Variants in STXBP5L observed in about 807,000 individuals in gnomAD.
STXBP5L encodes syntaxin-binding protein 5-like.
Under a neutral mutation model 144.5 loss-of-function variants are expected in STXBP5L, and 65 were observed. That is an observed-to-expected ratio of 0.45 (90% CI 0.37 to 0.55). The LOEUF (loss-of-function observed/expected upper bound fraction) is 0.55. Ranked by LOEUF, STXBP5L falls within the 20% of genes least tolerant of loss-of-function variation. The probability of loss-of-function intolerance (pLI) is 0.00; values close to 1 mark genes in which losing one functional copy is unlikely to be tolerated. For missense variants in STXBP5L, 1,298 were observed against 1,405.5 expected (o/e 0.92, Z 1.22); for synonymous variants, 505 against 469.6 (o/e 1.08, Z -0.97).
At chr3:121,415,684 G>C (rs1261225010) in intron 24 of STXBP5L, among the ~76,000 whole-genome samples, 173 bp from the exon 25 acceptor site, 4 of 151,966 alleles carry the variant, frequency 2.6e-5, no homozygotes, top group African/African-American at 9.7e-5. Context: ...AGAAGGGGAG[G>C]AACAAAAGAA....
intron 19 of STXBP5L, among the ~76,000 whole-genome samples, chr3:121,299,576 A>T (rs1025950121): frequency 1.3e-5 from 2 of 152,166 alleles, no homozygotes; most frequent in Non-Finnish European, 2.9e-5. Context: ...CAGAGTTAAA[A>T]AATAATAATA....
At chr3:120,985,851 C>G (rs886653308) in intron 3 of STXBP5L, among the ~76,000 whole-genome samples, 2 of 151,146 alleles carry the variant, frequency 1.3e-5, no homozygotes, top group African/African-American at 2.4e-5. Flanking sequence ...GAATTTTGTT[C>G]ATCTTTCCAA....
At chr3:121,171,218 T>C (rs1188797138) in intron 9 of STXBP5L, among the ~76,000 whole-genome samples, 5 of 152,128 alleles carry the variant, frequency 3.3e-5, no homozygotes, top group Non-Finnish European at 7.3e-5. Flanking sequence ...CTTACAATAA[T>C]AAGAGCTATT....
intron 19 of STXBP5L, among the ~76,000 whole-genome samples, chr3:121,316,102 C>A (rs938659105): frequency 1.3e-5 from 2 of 151,884 alleles, no homozygotes; most frequent in Non-Finnish European, 2.9e-5. Context: ...TCTAGAGGGA[C>A]AAAACTTTAC....
At chr3:120,961,274 G>T (rs377031173) in intron 3 of STXBP5L, among the ~76,000 whole-genome samples, 2,324 of 126,200 alleles carry the variant, frequency 0.018, 30 homozygotes, top group Middle Eastern at 0.066. Context: ...TTCTTTTTTT[G>T]TTTTTTTTTT....
intron 5 of STXBP5L, among the ~76,000 whole-genome samples, chr3:121,084,423 G>T (rs1486290695): frequency 1.3e-5 from 2 of 151,934 alleles, no homozygotes; most frequent in Non-Finnish European, 2.9e-5. Flanking sequence ...TGTTTTCATT[G>T]TTCAGCTCCC....
chr3:121,280,042 C>T, intron 19 of STXBP5L, 86 bp downstream of exon 19: 2 of 1,431,970 alleles, frequency 1.4e-6, no homozygotes, highest in Non-Finnish European at 1.9e-6. Context: ...TTCTCTGATA[C>T]TATTCAAATG....
intron 20 of STXBP5L, among the ~76,000 whole-genome samples, chr3:121,358,259 C>T (rs1193811687): frequency 7.3e-6 from 1 of 136,256 alleles, no homozygotes; most frequent in African/African-American, 2.8e-5. Flanking sequence ...CCTCCCTAAC[C>T]CCCCACTACC....
intron 10 of STXBP5L, among the ~76,000 whole-genome samples, chr3:121,213,121 G>A (rs1200353744): frequency 1.3e-5 from 2 of 152,154 alleles, no homozygotes; most frequent in East Asian, 3.8e-4. Context: ...CTGAGACAAT[G>A]GGGTTTTCTA....
intron 11 of STXBP5L, among the ~76,000 whole-genome samples, chr3:121,227,870 T>C (rs1355472307): frequency 6.6e-6 from 1 of 152,024 alleles, no homozygotes; most frequent in Non-Finnish European, 1.5e-5. Context: ...TAAACACCAT[T>C]CATAATTTGA....
chr3:121,236,898 TAGG>T (rs2049501190), intron 12 of STXBP5L, among the ~76,000 whole-genome samples: 1 of 152,228 alleles, frequency 6.6e-6, no homozygotes, highest in South Asian at 2.1e-4. Context: ...TCCATTCCAG[TAGG>T]AAGGCGTAAC....
At chr3:121,415,822 T>C (rs774672556) in intron 24 of STXBP5L, 35 bp from the exon 25 acceptor site, 13 of 1,448,442 alleles carry the variant, frequency 9.0e-6, no homozygotes, top group African/African-American at 1.4e-5. Flanking sequence ...GATTTTTTAG[T>C]TGTTCTAATG....
intron 5 of STXBP5L, among the ~76,000 whole-genome samples, chr3:121,100,573 A>G (rs968232791): frequency 3.3e-5 from 5 of 152,168 alleles, no homozygotes; most frequent in East Asian, 3.9e-4. Context: ...ACTTACTAAA[A>G]TCTCTGGGAT....
intron 3 of STXBP5L, among the ~76,000 whole-genome samples, chr3:120,970,636 G>A (rs1333122689): frequency 1.3e-5 from 2 of 152,202 alleles, no homozygotes; most frequent in Admixed American, 1.3e-4. Flanking sequence ...ATATGCCTTA[G>A]AGATTTCTCC....
intron 9 of STXBP5L, among the ~76,000 whole-genome samples, chr3:121,195,289 C>A (rs1255571017): frequency 1.3e-5 from 2 of 151,984 alleles, no homozygotes; most frequent in Admixed American, 1.3e-4. Context: ...AAAGTTTTGT[C>A]AACCGTTTTG....
At chr3:120,970,815 A>G (rs1404290357) in intron 3 of STXBP5L, among the ~76,000 whole-genome samples, 3 of 151,806 alleles carry the variant, frequency 2.0e-5, no homozygotes, top group Non-Finnish European at 4.4e-5. Context: ...TTTCCATTCT[A>G]GGGGAACTTA....
At chr3:121,394,867 G>A (rs1388515830) in intron 22 of STXBP5L, among the ~76,000 whole-genome samples, 1 of 151,980 alleles carries the variant, frequency 6.6e-6, no homozygotes, top group Non-Finnish European at 1.5e-5. Flanking sequence ...GCCTCCCAAA[G>A]TGCTGGGATT....
intron 1 of STXBP5L, 111 bp from the exon 2 acceptor site, chr3:120,909,460 T>G: frequency 1.1e-6 from 1 of 938,314 alleles, no homozygotes; most frequent in Non-Finnish European, 1.5e-6. Context: ...TAACCAATGC[T>G]CATAAAATGG....
In STXBP5L at chr3:121,205,959, G is replaced by T; in HGVS notation, c.914G>T (p.Cys305Phe). The T allele has an allele frequency of 6.6e-7, 1 of 1,517,384 alleles. No homozygotes were observed. Among genetic ancestry groups the T allele is most frequent in the Non-Finnish European group, 8.8e-7 (1 of 1,137,860 alleles). The allele number at this position is 1,517,384 out of a possible 1,614,324, so 94.0% of individuals were successfully genotyped here. Residue 305 changes from cysteine to phenylalanine, a missense_variant, in exon 10 of 27, where the codon TGT (cysteine) becomes TTT (phenylalanine). Physicochemically the swap from Cys to Phe is radical, Grantham distance 205 (BLOSUM62 -2). Coordinates refer to ENST00000471454, the MANE Select transcript of STXBP5L (RefSeq NM_001308330.2). ...AGAGAAGGAAGAAAATCTGAATCTT[G>T]TAAACCAATTCTTAAAGTAGAATAC... ...SQREGRKSES[C>F]KPILKVEYKT...
Sources: gnomAD v4.1 joint callset for allele counts (sites outside exome capture counted in the v4.1 genomes callset) on GRCh38, gnomAD v4.1.1 for gene constraint, MANE v1.5 for transcripts, NCBI Gene and HGNC (gene_info 2026-07-23, HGNC 2026-07-21) for gene names.